PPARG: variants seen among roughly 807,000 people sequenced by gnomAD.
The protein encoded by PPARG is peroxisome proliferator activated receptor gamma.
In PPARG, 17 loss-of-function variants were observed where a neutral mutation model predicts 39.2. That is an observed-to-expected ratio of 0.43 (90% CI 0.30 to 0.65). The LOEUF is 0.65. Ranked by LOEUF, PPARG falls within the 30% of genes least tolerant of loss-of-function variation. The probability of loss-of-function intolerance (pLI) is 0.13; values close to 1 mark genes in which losing one functional copy is unlikely to be tolerated. For synonymous variants in PPARG, 223 were observed against 215.7 expected (o/e 1.03, Z -0.30); for missense variants, 406 against 585.9 (o/e 0.69, Z 3.17).
intron 2 of PPARG, among the ~76,000 whole-genome samples, chr3:12,314,121 A>G (rs2047324996): frequency 6.6e-6 from 1 of 152,124 alleles, no homozygotes; most frequent in African/African-American, 2.4e-5. Flanking sequence ...TACTAAAAAT[A>G]TAAAAATTAG....
At chr3:12,311,154 A>C (rs1042538689) in intron 1 of PPARG, among the ~76,000 whole-genome samples, 1 of 152,066 alleles carries the variant, frequency 6.6e-6, no homozygotes, top group African/African-American at 2.4e-5. Flanking sequence ...CCCAGGCTGG[A>C]GTGCAGTGGT....
intron 2 of PPARG, among the ~76,000 whole-genome samples, chr3:12,350,807 G>A (rs1036957537): frequency 1.3e-5 from 2 of 152,156 alleles, no homozygotes; most frequent in African/African-American, 4.8e-5. Context: ...AACATCAGCT[G>A]GTGTAACATT....
At chr3:12,326,885 G>C (rs928232896) in intron 2 of PPARG, among the ~76,000 whole-genome samples, 1 of 152,232 alleles carries the variant, frequency 6.6e-6, no homozygotes, top group African/African-American at 2.4e-5. Context: ...TGAGTGTTCA[G>C]TGGAGGCTGT....
chr3:12,297,088 T>G (rs547660510), intron 1 of PPARG, among the ~76,000 whole-genome samples: 3 of 152,230 alleles, frequency 2.0e-5, no homozygotes, highest in African/African-American at 7.2e-5. Flanking sequence ...AAAAGCCGTA[T>G]ACACGAAGAG....
chr3:12,319,208 C>G (rs1186982143), intron 2 of PPARG, among the ~76,000 whole-genome samples: 1 of 152,114 alleles, frequency 6.6e-6, no homozygotes, highest in African/African-American at 2.4e-5. Context: ...TGTATGTTTC[C>G]CTAAGTTTGC....
intron 1 of PPARG, among the ~76,000 whole-genome samples, chr3:12,300,765 A>C (rs1392754947): frequency 6.6e-6 from 1 of 152,188 alleles, no homozygotes; most frequent in African/African-American, 2.4e-5. Flanking sequence ...GATAATTTTC[A>C]TGGGAAAATT....
At chr3:12,299,182 A>C (rs34295844) in intron 1 of PPARG, among the ~76,000 whole-genome samples, 43,879 of 151,988 alleles carry the variant, frequency 0.29, 6,565 homozygotes, top group East Asian at 0.49. Flanking sequence ...CTATTGAGCC[A>C]CTTATTTGTG....
intron 1 of PPARG, among the ~76,000 whole-genome samples, chr3:12,302,236 A>G (rs1187726870): frequency 6.6e-6 from 1 of 152,214 alleles, no homozygotes; most frequent in Non-Finnish European, 1.5e-5. Context: ...AAAAATACTA[A>G]AAACAATACA....
chr3:12,383,885 C>T (rs566190322), intron 4 of PPARG, among the ~76,000 whole-genome samples: 44 of 152,036 alleles, frequency 2.9e-4, no homozygotes, highest in African/African-American at 1.0e-3. Flanking sequence ...GTGCCTTCAA[C>T]TTAGGATTAG....
intron 6 of PPARG, among the ~76,000 whole-genome samples, chr3:12,409,166 C>G (rs2050784874): frequency 6.6e-6 from 1 of 152,220 alleles, no homozygotes; most frequent in East Asian, 1.9e-4. Flanking sequence ...ACACAGTTGC[C>G]TATGCCCTTT....
intron 2 of PPARG, 113 bp from the exon 3 acceptor site, chr3:12,379,591 G>T (rs1212305394): frequency 4.3e-6 from 4 of 927,422 alleles, no homozygotes; most frequent in Non-Finnish European, 6.8e-6. Context: ...TGTTGTGAGC[G>T]CCCAGATGAG....
At chr3:12,340,391 G>A (rs2048149068) in intron 2 of PPARG, among the ~76,000 whole-genome samples, 1 of 152,176 alleles carries the variant, frequency 6.6e-6, no homozygotes, top group Admixed American at 6.5e-5. Context: ...TAATTAGGAG[G>A]AGGACTGAAT....
At chr3:12,429,355 G>A (rs147777796) in intron 7 of PPARG, among the ~76,000 whole-genome samples, 1 of 152,198 alleles carries the variant, frequency 6.6e-6, no homozygotes, top group East Asian at 1.9e-4. Context: ...TTGTTTGTAT[G>A]ATAAACGGGA....
intron 7 of PPARG, among the ~76,000 whole-genome samples, chr3:12,429,912 C>A (rs1419146842): frequency 2.6e-5 from 4 of 152,204 alleles, no homozygotes; most frequent in Admixed American, 2.6e-4. Flanking sequence ...AATCTGAGAT[C>A]TTTTGCTGAT....
intron 7 of PPARG, among the ~76,000 whole-genome samples, chr3:12,428,168 G>A (rs6442313): frequency 0.038 from 5,750 of 152,276 alleles, 352 homozygotes; most frequent in African/African-American, 0.13. Flanking sequence ...GGACCAGAAC[G>A]TTTGAATCTG....
intron 6 of PPARG, 67 bp from the exon 7 acceptor site, chr3:12,416,637 C>T: frequency 6.8e-7 from 1 of 1,467,980 alleles, no homozygotes; most frequent in South Asian, 1.2e-5. Flanking sequence ...TTTTCTGAAC[C>T]TGGGATGGCA....
intron 2 of PPARG, among the ~76,000 whole-genome samples, chr3:12,337,223 A>C (rs1162791401): frequency 6.6e-6 from 1 of 152,206 alleles, no homozygotes; most frequent in Non-Finnish European, 1.5e-5. Context: ...AGCCAGAAAC[A>C]AGTCTTAGTG....
At chr3:12,398,859 C>CGCA (rs2125233391) in intron 5 of PPARG, among the ~76,000 whole-genome samples, 1 of 152,302 alleles carries the variant, frequency 6.6e-6, no homozygotes, top group Admixed American at 6.5e-5. Context: ...GAGCGCAAAG[C>CGCA]TAGACTGCAG....
chr3:12,310,706 G>T lies in PPARG; in HGVS notation c.-82-1674G>T. ...TCTCGATCTCCAGACCTCGTGATCC[G>T]CCCGCCTCGGCCTCCCAAAGTGCTG... On this transcript the variant is annotated intron_variant, in intron 1 of 7. Coordinates refer to ENST00000651735, the MANE Select transcript of PPARG (RefSeq NM_138711.6). 2.6e-5 allele frequency among the ~76,000 whole-genome samples: 2 copies of T among 77,610 alleles called. 1 individual carries two copies. The highest frequency in any genetic ancestry group is 5.5e-5 in the Non-Finnish European group (2 of 36,522). The allele number at this position is 77,610 out of a possible 152,430, so 50.9% of individuals were successfully genotyped here.
Sources: gnomAD v4.1 joint callset for allele counts (sites outside exome capture counted in the v4.1 genomes callset) on GRCh38, gnomAD v4.1.1 for gene constraint, MANE v1.5 for transcripts, NCBI Gene and HGNC (gene_info 2026-07-23, HGNC 2026-07-21) for gene names.